The following ADAMTS9 variants were observed in gnomAD, a reference collection of about 807,000 sequenced individuals.
The protein encoded by ADAMTS9 is A disintegrin and metalloproteinase with thrombospondin motifs 9.
Under a neutral mutation model 257.1 loss-of-function variants are expected in ADAMTS9, and 107 were observed. That is an observed-to-expected ratio of 0.42 (90% CI 0.36 to 0.49). ADAMTS9 has a LOEUF of 0.49. Ranked by LOEUF, ADAMTS9 falls within the 20% of genes least tolerant of loss-of-function variation. The pLI is 0.03. For synonymous variants in ADAMTS9, 982 were observed against 880.9 expected (o/e 1.11, Z -2.03); for missense variants, 2,353 against 2,469.1 (o/e 0.95, Z 1.00).
At chr3:64,585,804 T>C (rs575368220) in intron 28 of ADAMTS9, among the ~76,000 whole-genome samples, 2 of 152,274 alleles carry the variant, frequency 1.3e-5, no homozygotes, top group South Asian at 4.1e-4. Flanking sequence ...TTTCTTAAAA[T>C]CTTCTGAAAA....
chr3:64,641,895 T>C lies in ADAMTS9; in HGVS notation c.1809A>G (p.Thr603=). ...SWSPFGTCSR[T]CGGGIKTAIR... ...TGGCTGTTTTGATGCCCCCTCCACA[T>C]GTTCTGGAGCAGGTTCCAAAGGGAC... The change falls in exon 12 of 40, where the codon ACA becomes ACG. Residue 603 remains threonine (T), a synonymous_variant. Transcript: ENST00000498707. The C allele has an allele frequency of 1.2e-6, 2 of 1,614,118 alleles. No homozygotes were observed. Among genetic ancestry groups the C allele is most frequent in the East Asian group, 4.5e-5 (2 of 44,864 alleles).
At chr3:64,663,730 T>A (rs35066970) in intron 3 of ADAMTS9, among the ~76,000 whole-genome samples, 1 of 152,138 alleles carries the variant, frequency 6.6e-6, no homozygotes, top group African/African-American at 2.4e-5. Context: ...CAGCATACTT[T>A]AGGTGGCATG....
At chr3:64,682,140 G>A (rs1241384815) in intron 2 of ADAMTS9, among the ~76,000 whole-genome samples, 1 of 152,124 alleles carries the variant, frequency 6.6e-6, no homozygotes, top group Non-Finnish European at 1.5e-5. Flanking sequence ...GATTGCCCTA[G>A]GTTCCAATTT....
chr3:64,668,189 G>A (rs1701395347), intron 3 of ADAMTS9, among the ~76,000 whole-genome samples: 1 of 152,190 alleles, frequency 6.6e-6, no homozygotes, highest in Non-Finnish European at 1.5e-5. Context: ...GCACTCTCCA[G>A]TAGAAATAAA....
intron 4 of ADAMTS9, among the ~76,000 whole-genome samples, 186 bp downstream of exon 4, chr3:64,658,316 C>G (rs932074273): frequency 6.6e-6 from 1 of 152,158 alleles, no homozygotes; most frequent in Non-Finnish European, 1.5e-5. Context: ...ATAAACACTC[C>G]GTATTGATAA....
At chr3:64,533,776 G>A (rs1312926480) in intron 37 of ADAMTS9, among the ~76,000 whole-genome samples, 1 of 152,228 alleles carries the variant, frequency 6.6e-6, no homozygotes, top group Non-Finnish European at 1.5e-5. Flanking sequence ...TCAAAGAAGA[G>A]GCGCTTTCCC....
At chr3:64,677,146 G>A (rs1187525866) in intron 3 of ADAMTS9, among the ~76,000 whole-genome samples, 1 of 152,128 alleles carries the variant, frequency 6.6e-6, no homozygotes, top group African/African-American at 2.4e-5. Flanking sequence ...TTGTGCCCCT[G>A]GTGTGTGGGG....
chr3:64,664,249 T>A (rs1352754544), intron 3 of ADAMTS9, among the ~76,000 whole-genome samples: 1 of 152,190 alleles, frequency 6.6e-6, no homozygotes, highest in African/African-American at 2.4e-5. Context: ...TACGTAGTTT[T>A]ACATTTATGA....
chr3:64,607,843 A>G (rs1399153312), intron 22 of ADAMTS9, among the ~76,000 whole-genome samples: 1 of 152,200 alleles, frequency 6.6e-6, no homozygotes, highest in African/African-American at 2.4e-5. Context: ...CACACTACAT[A>G]TTCCTCTCAA....
intron 3 of ADAMTS9, among the ~76,000 whole-genome samples, chr3:64,670,743 G>A (rs1219553137): frequency 1.3e-5 from 2 of 152,128 alleles, no homozygotes; most frequent in Admixed American, 1.3e-4. Flanking sequence ...AAGATACATG[G>A]ATAGCAAATA....
chr3:64,537,642 G>A (rs1297129962), intron 37 of ADAMTS9, among the ~76,000 whole-genome samples: 1 of 151,982 alleles, frequency 6.6e-6, no homozygotes, highest in Admixed American at 6.6e-5. Context: ...TCTGTAGTTG[G>A]GGGTAAATCC....
rs1056195395 is a variant in ADAMTS9, at chr3:64,633,716, C to T, written c.2020G>A (p.Val674Ile). ...INGLLPNVRW[V>I]PKYSGILMKD... Reference sequence around the variant, plus strand: ...CACTTACTTCCACTGTATTTAGGGACCCAGCGCACATTGGGAAGCAGACCG... The same window carrying T: ...CACTTACTTCCACTGTATTTAGGGATCCAGCGCACATTGGGAAGCAGACCG... Residue 674 changes from valine (V) to isoleucine (I), a missense_variant, in exon 13 of 40, where the codon GTC becomes ATC. By Grantham distance (29) the Val-to-Ile change is conservative. This residue lies in a region of ADAMTS9 where 360 missense variants were observed against 458.1 expected (regional missense o/e 0.79). Transcript: ENST00000498707. The T allele has an allele frequency of 1.2e-6, 2 of 1,613,754 alleles. No homozygotes were observed. The highest frequency in any genetic ancestry group is 1.7e-6 in the Non-Finnish European group (2 of 1,179,966).
At chr3:64,538,547 T>C (rs1165514796) in intron 37 of ADAMTS9, among the ~76,000 whole-genome samples, 1 of 152,156 alleles carries the variant, frequency 6.6e-6, no homozygotes, top group East Asian at 1.9e-4. Flanking sequence ...CTTTTTCTGT[T>C]TATACATTAA....
chr3:64,639,184 T>G (rs775789086), intron 12 of ADAMTS9, among the ~76,000 whole-genome samples: 39 of 152,012 alleles, frequency 2.6e-4, no homozygotes, highest in Non-Finnish European at 4.3e-4. Flanking sequence ...GTAACCTCCG[T>G]ATTCAGAGGC....
At chr3:64,524,421 A>G (rs566000433) in intron 38 of ADAMTS9, among the ~76,000 whole-genome samples, 11 of 152,356 alleles carry the variant, frequency 7.2e-5, no homozygotes, top group African/African-American at 2.6e-4. Flanking sequence ...TGGCAATATC[A>G]ATGCATGTAG....
At chr3:64,530,643 A>C (rs1262021829) in intron 38 of ADAMTS9, among the ~76,000 whole-genome samples, 1 of 152,028 alleles carries the variant, frequency 6.6e-6, no homozygotes, top group Non-Finnish European at 1.5e-5. Context: ...TTCTTTCCAT[A>C]AGGTGGCGCT....
chr3:64,566,189 G>A (rs1432887473), intron 29 of ADAMTS9, among the ~76,000 whole-genome samples: 1 of 152,160 alleles, frequency 6.6e-6, no homozygotes, highest in Non-Finnish European at 1.5e-5. Context: ...CAGTCTTAGG[G>A]ATATTCTTGT....
At chr3:64,657,551 G>A (rs1244023865) in intron 4 of ADAMTS9, among the ~76,000 whole-genome samples, 7 of 151,730 alleles carry the variant, frequency 4.6e-5, no homozygotes, top group African/African-American at 1.7e-4. Flanking sequence ...ATAATGCCCA[G>A]GCTGGTCTTA....
intron 14 of ADAMTS9, 138 bp downstream of exon 14, chr3:64,633,334 A>G (rs1700414681): frequency 7.7e-7 from 1 of 1,306,590 alleles, no homozygotes; most frequent in Admixed American, 2.2e-5. Context: ...GCTGTTGCTG[A>G]TCCCGGGGCC....
Sources: allele counts gnomAD v4.1 joint callset (sites outside exome capture counted in the v4.1 genomes callset), GRCh38; gene constraint gnomAD v4.1.1; regional missense constraint gnomAD v4.1.1; transcripts MANE v1.5; gene names NCBI Gene and HGNC (gene_info 2026-07-23, HGNC 2026-07-21).